The following COIL variants were observed in gnomAD, a reference collection of about 807,000 sequenced individuals.
The protein encoded by COIL is coilin.
A neutral mutation model predicts 51.6 loss-of-function variants in COIL; 28 were observed. The ratio of observed to expected loss-of-function variants is 0.54; its 90% CI spans 0.40 to 0.74. The LOEUF (loss-of-function observed/expected upper bound fraction) is 0.74, where lower values mean the gene tolerates loss of function less well. Among genes scored for constraint, COIL ranks in the 30% least tolerant of loss-of-function variants. COIL has a pLI of 0.00. For synonymous variants in COIL, 233 were observed against 255.8 expected (o/e 0.91, Z 0.85); for missense variants, 667 against 685.9 (o/e 0.97, Z 0.31).
At chr17:56,953,274 G>A (rs1381892498) in intron 1 of COIL, among the ~76,000 whole-genome samples, 5 of 151,918 alleles carry the variant, frequency 3.3e-5, no homozygotes, top group South Asian at 4.2e-4. Context: ...AGCCAGGCGT[G>A]GTGGCGGGCG....
At chr17:56,942,164 T>C in intron 5 of COIL, 41 bp from the exon 6 acceptor site, 1 of 1,481,978 alleles carries the variant, frequency 6.7e-7, no homozygotes, top group Non-Finnish European at 9.4e-7. Flanking sequence ...TAAGTCATTT[T>C]TCAATAGTTA....
chr17:56,941,563 C>A (rs1318059026), intron 6 of COIL, among the ~76,000 whole-genome samples: 1 of 152,124 alleles, frequency 6.6e-6, no homozygotes, highest in Non-Finnish European at 1.5e-5. Flanking sequence ...CAGTGAGACT[C>A]TCTCAAAAAA....
At chr17:56,952,321 C>T (rs2144400926) in intron 1 of COIL, 1 of 459,160 alleles carries the variant, frequency 2.2e-6, no homozygotes, top group East Asian at 6.1e-5. Context: ...TTTCACTGTA[C>T]TGACAACCTC....
rs943665504 is a variant in COIL, at chr17:56,938,895, A to G, written c.*176T>C. On this transcript the variant is annotated 3_prime_UTR_variant, in exon 7 of 7. Transcript: ENST00000240316. The stretch of plus-strand genomic sequence containing the variant: ...CTGACAAAAAAACCAAAGATCTACA[A>G]AACCGACACCCATGTCATTTTAAAT... 3 of 460,090 alleles carry G rather than the reference A, an allele frequency of 6.5e-6. No homozygotes were observed. The highest frequency in any genetic ancestry group is 6.1e-5 in the African/African-American group (3 of 49,332). 28.5% of individuals were successfully genotyped at this position (460,090 alleles called of 1,614,324 possible). A position where few individuals can be genotyped will look rare whatever the true frequency, so the allele number is the denominator to read the frequency against.
intron 1 of COIL, among the ~76,000 whole-genome samples, chr17:56,954,498 G>T (rs1910447514): frequency 6.6e-6 from 1 of 151,812 alleles, no homozygotes; most frequent in Non-Finnish European, 1.5e-5. Flanking sequence ...GAGGCAGAGG[G>T]TGCAGTAAGC....
At chr17:56,947,370 T>C (rs1910270206) in intron 4 of COIL, among the ~76,000 whole-genome samples, 1 of 152,354 alleles carries the variant, frequency 6.6e-6, no homozygotes, top group East Asian at 1.9e-4. Flanking sequence ...ATTTTCATTC[T>C]TAAAATGTTT....
rs756057531 is a variant in COIL, at chr17:56,950,502, G to C, written c.740C>G (p.Ser247Cys). The change falls in exon 2 of 7, where the codon TCC (serine) becomes TGC (cysteine). Residue 247 changes from serine to cysteine, a missense_variant. Transcript: ENST00000240316. ...SVCSKESPSS[S>C]SESESCDESI... is the part of the protein sequence containing the mutation. Reference sequence around the variant, plus strand: ...TTCATCACAAGATTCAGACTCCGAGGAGGAACTGGGACTCTCTTTTGAGCA... The same window carrying C: ...TTCATCACAAGATTCAGACTCCGAGCAGGAACTGGGACTCTCTTTTGAGCA... The C allele has an allele frequency of 6.2e-7, 1 of 1,614,216 alleles. No individual in the cohort carries two copies. Among genetic ancestry groups the C allele is most frequent in the Non-Finnish European group, 8.5e-7 (1 of 1,180,044 alleles).
At chr17:56,960,180 C>T (rs1402418776) in intron 1 of COIL, among the ~76,000 whole-genome samples, 3 of 149,968 alleles carry the variant, frequency 2.0e-5, no homozygotes, top group Non-Finnish European at 4.4e-5. Flanking sequence ...GCTGAGATCG[C>T]GCCACTGCAC....
intron 1 of COIL, among the ~76,000 whole-genome samples, chr17:56,956,374 G>T (rs1368619781): frequency 6.6e-6 from 1 of 152,058 alleles, no homozygotes; most frequent in Non-Finnish European, 1.5e-5. Flanking sequence ...AACTAGCTGG[G>T]ACTACAGGCA....
intron 4 of COIL, among the ~76,000 whole-genome samples, chr17:56,948,758 T>A (rs7213862): frequency 6.7e-6 from 1 of 148,876 alleles, no homozygotes; most frequent in Non-Finnish European, 1.5e-5. Context: ...ATTCCACGGA[T>A]AATATTTATG....
chr17:56,946,357 A>C, intron 5 of COIL, 85 bp downstream of exon 5: 9 of 898,356 alleles, frequency 1.0e-5, no homozygotes, highest in East Asian at 2.5e-5. Context: ...AGGCCAAGGA[A>C]GAGAACATCT....
chr17:56,950,683 T>G lies in COIL; in HGVS notation c.559A>C (p.Lys187Gln). Reference sequence around the variant, plus strand: ...TTTTTATATTCACATTTCTCCTTTTTCTTTGGTGATTTTCTTTTGGCCTCT... The same window carrying G: ...TTTTTATATTCACATTTCTCCTTTTGCTTTGGTGATTTTCTTTTGGCCTCT... ...NEEAKRKSPK[K>Q]KEKCEYKKKA... is the part of the protein sequence containing the mutation. Residue 187 changes from lysine to glutamine, a missense_variant, in exon 2 of 7, where the codon AAA (lysine) becomes CAA (glutamine). Transcript: ENST00000240316. 6.2e-7 allele frequency: 1 copy of G among 1,610,062 alleles called. No homozygotes were observed. Among genetic ancestry groups the G allele is most frequent in the Non-Finnish European group, 8.5e-7 (1 of 1,179,132 alleles).
intron 1 of COIL, among the ~76,000 whole-genome samples, chr17:56,958,266 G>A (rs983673887): frequency 2.6e-5 from 4 of 152,188 alleles, no homozygotes; most frequent in African/African-American, 9.7e-5. Context: ...ATCACAGAAG[G>A]TAATATACAA....
intron 1 of COIL, among the ~76,000 whole-genome samples, chr17:56,953,217 C>T (rs7225665): frequency 0.52 from 78,524 of 151,280 alleles, 20,720 homozygotes; most frequent in East Asian, 0.77. Flanking sequence ...CGAGACCATC[C>T]TGGCTAACAC....
rs1263031181 is a variant in COIL, at chr17:56,938,688, T to C, written c.*383A>G. On this transcript the variant is annotated 3_prime_UTR_variant, in exon 7 of 7. Transcript: ENST00000240316. ...AGGTCAAATAACATGCTTTAATATTTTTAAATGTTACTTAAAACTTATTGA... is the reference window on the plus strand; with the variant it reads ...AGGTCAAATAACATGCTTTAATATTCTTAAATGTTACTTAAAACTTATTGA... 1 of 154,936 alleles carries C rather than the reference T, an allele frequency of 6.5e-6. No individual in the cohort carries two copies. The highest frequency in any genetic ancestry group is 2.4e-5 in the African/African-American group (1 of 41,578). 9.6% of individuals were successfully genotyped at this position (154,936 alleles called of 1,614,324 possible). A position where few individuals can be genotyped will look rare whatever the true frequency, so the allele number is the denominator to read the frequency against.
intron 1 of COIL, among the ~76,000 whole-genome samples, chr17:56,959,269 AG>A (rs1364401036): frequency 1.3e-5 from 2 of 152,076 alleles, no homozygotes; most frequent in Non-Finnish European, 2.9e-5. Flanking sequence ...GCCTGTGCCC[AG>A]GAAGTCAAGG....
Position 56,942,038 on chromosome 17 carries a change from G to T in COIL, c.1644C>A (p.Ser548Arg). Reference sequence around the variant, plus strand: ...GCAAGAAGAGAAGCACACCTACCTTGCTCTCCTGTGTCACAGCGTACTCCA... The same window carrying T: ...GCAAGAAGAGAAGCACACCTACCTTTCTCTCCTGTGTCACAGCGTACTCCA... Reference protein sequence around the residue: ...EVVEYAVTQESKITVFWKELI... With the variant: ...EVVEYAVTQERKITVFWKELI... The change falls in exon 6 of 7, where the codon AGC (serine) becomes AGA (arginine). Residue 548 changes from serine to arginine, a missense_variant. Ser to Arg is a moderately radical substitution (Grantham distance 110, BLOSUM62 -1). Transcript: ENST00000240316. The T allele has an allele frequency of 6.2e-7, 1 of 1,612,490 alleles. No individual in the cohort carries two copies. The highest frequency in any genetic ancestry group is 8.5e-7 in the Non-Finnish European group (1 of 1,178,524).
chr17:56,946,889 C>A (rs1373783330), intron 4 of COIL, among the ~76,000 whole-genome samples: 1 of 152,178 alleles, frequency 6.6e-6, no homozygotes, highest in Non-Finnish European at 1.5e-5. Flanking sequence ...ACCATCACAG[C>A]ATTCATCAGG....
chr17:56,939,552 C>G (rs146072163), intron 6 of COIL, among the ~76,000 whole-genome samples: 75 of 152,212 alleles, frequency 4.9e-4, no homozygotes, highest in African/African-American at 1.7e-3. Flanking sequence ...GAGTTCAAGA[C>G]CAGCCTGGCC....
Sources: gnomAD v4.1 joint callset for allele counts (sites outside exome capture counted in the v4.1 genomes callset) on GRCh38, gnomAD v4.1.1 for gene constraint, MANE v1.5 for transcripts, NCBI Gene and HGNC (gene_info 2026-07-23, HGNC 2026-07-21) for gene names.